MBD5: variants seen among roughly 807,000 people sequenced by gnomAD.
MBD5 encodes methyl-CpG-binding domain protein 5.
A neutral mutation model predicts 117.3 loss-of-function variants in MBD5; 13 were observed. The ratio of observed to expected loss-of-function variants is 0.11; its 90% confidence interval spans 0.07 to 0.18. The LOEUF is 0.18. Ranked by LOEUF, MBD5 falls within the 10% of genes least tolerant of loss-of-function variation. The pLI, the probability that MBD5 is intolerant of heterozygous loss-of-function variation, is 1.00. For synonymous variants in MBD5, 727 were observed against 766.4 expected (o/e 0.95, Z 0.85); for missense variants, 1,879 against 2,093.8 (o/e 0.90, Z 2.00).
rs190992179 is a variant in MBD5 at position 148,251,309 on chromosome 2, G to A, written c.-680+17914G>A. ...CCTTGTTACTTGATGTATTTGAATC[G>A]TTTATTTCACTGATTTTTTTCCAGT... On this transcript the variant is annotated intron_variant, in intron 3 of 13. Transcript: ENST00000642680. Among the ~76,000 whole-genome samples the A allele has an allele frequency of 5.3e-5, 8 of 152,146 alleles. No individual in the cohort carries two copies. The East Asian group carries it at 1.2e-3, about 22-fold the overall frequency.
At chr2:148,311,075 C>T (rs1394556038) in intron 3 of MBD5, among the ~76,000 whole-genome samples, 2 of 152,076 alleles carry the variant, frequency 1.3e-5, no homozygotes, top group East Asian at 3.8e-4. Flanking sequence ...ATTATGTGGT[C>T]AATTCTAGAA....
chr2:148,467,606 T>C (rs1450363753), intron 7 of MBD5, among the ~76,000 whole-genome samples: 2 of 152,172 alleles, frequency 1.3e-5, no homozygotes, highest in Non-Finnish European at 2.9e-5. Context: ...TTTACAATAA[T>C]GACTAATTAA....
intron 1 of MBD5, among the ~76,000 whole-genome samples, chr2:148,102,690 G>C (rs1696251159): frequency 6.8e-6 from 1 of 146,862 alleles, no homozygotes; most frequent in African/African-American, 2.6e-5. Flanking sequence ...CACACAGAGA[G>C]AGAGAGAGAT....
intron 3 of MBD5, among the ~76,000 whole-genome samples, chr2:148,234,431 G>C (rs1464641606): frequency 6.6e-6 from 1 of 152,032 alleles, no homozygotes; most frequent in Admixed American, 6.6e-5. Flanking sequence ...TCAGTAACTA[G>C]AGTCAAAATT....
At chr2:148,477,870 GACATAT>G (rs1681021266) in intron 8 of MBD5, among the ~76,000 whole-genome samples, 1 of 152,026 alleles carries the variant, frequency 6.6e-6, no homozygotes, top group African/African-American at 2.4e-5. Context: ...TCAGTGTTTG[GACATAT>G]TAATTTAGAA....
chr2:148,328,423 G>C (rs1206827091), intron 3 of MBD5, among the ~76,000 whole-genome samples: 1 of 152,184 alleles, frequency 6.6e-6, no homozygotes, highest in South Asian at 2.1e-4. Context: ...GGCAATGGTG[G>C]GCGCCCCTCC....
intron 1 of MBD5, among the ~76,000 whole-genome samples, chr2:148,046,581 C>G (rs918421596): frequency 6.6e-6 from 1 of 152,158 alleles, no homozygotes; most frequent in South Asian, 2.1e-4. Flanking sequence ...TCTTCCACCC[C>G]TTCTTTACCT....
chr2:148,127,161 GT>G (rs1696920296), intron 1 of MBD5, among the ~76,000 whole-genome samples: 1 of 151,906 alleles, frequency 6.6e-6, no homozygotes, highest in Non-Finnish European at 1.5e-5. Context: ...TAGAGACGGT[GT>G]TTCACCGTGT....
At chr2:148,443,367 A>G (rs1706387469) in intron 4 of MBD5, among the ~76,000 whole-genome samples, 1 of 151,388 alleles carries the variant, frequency 6.6e-6, no homozygotes, top group Admixed American at 6.6e-5. Context: ...TGGAGCTACC[A>G]TATGATCCAG....
In MBD5 at chr2:148,145,079, A is replaced by G. The variant is rs186278011; in HGVS notation, c.-924-33621A>G. ...ACAATATTTATTATTCCTATTCATG[A>G]GCATGGAATGTTCTTCCATTTGTTT... On this transcript the variant is annotated intron_variant, in intron 1 of 13. Transcript: ENST00000642680. Among the ~76,000 whole-genome samples, 98 of 152,336 alleles carry G rather than the reference A, an allele frequency of 6.4e-4. 1 individual carries two copies. The East Asian group carries it at 6.7e-3, about 10-fold the overall frequency.
chr2:148,324,196 A>G (rs62182834), intron 3 of MBD5, among the ~76,000 whole-genome samples: 3,783 of 151,994 alleles, frequency 0.025, 60 homozygotes, highest in Non-Finnish European at 0.039. Context: ...TGTTCCATTG[A>G]TCTATATCTC....
chr2:148,093,444 G>A (rs972864052), intron 1 of MBD5, among the ~76,000 whole-genome samples: 2 of 152,156 alleles, frequency 1.3e-5, no homozygotes, highest in African/African-American at 2.4e-5. Context: ...TGTGAATAAT[G>A]TCTGATGAGG....
intron 4 of MBD5, among the ~76,000 whole-genome samples, chr2:148,350,275 C>G (rs1703219394): frequency 6.6e-6 from 1 of 152,014 alleles, no homozygotes; most frequent in Non-Finnish European, 1.5e-5. Context: ...TTCTTCTGCC[C>G]TCATGACTTC....
intron 13 of MBD5, among the ~76,000 whole-genome samples, chr2:148,512,410 C>T (rs1383792781): frequency 2.0e-5 from 3 of 152,112 alleles, no homozygotes; most frequent in Non-Finnish European, 4.4e-5. Flanking sequence ...TGTGACCCTT[C>T]CTAGTCATTG....
At chr2:148,511,224 G>T (rs549174647) in intron 13 of MBD5, among the ~76,000 whole-genome samples, 1 of 152,310 alleles carries the variant, frequency 6.6e-6, no homozygotes, top group Non-Finnish European at 1.5e-5. Context: ...GCCAGCATAG[G>T]TTTTATGAGC....
rs747940875 is a variant in MBD5, at chr2:148,490,087, A to C, written c.4455A>C (p.Arg1485Ser). Residue 1485 changes from arginine to serine, a missense_variant, in exon 11 of 14, where the codon AGA becomes AGC. Physicochemically the swap from Arg to Ser is moderately radical, Grantham distance 110. This residue lies in a region of MBD5 where 1,666 missense variants were observed against 1,792.2 expected (regional missense o/e 0.93). Transcript: ENST00000642680. ...GEQHPILLPP[R>S]NCPGDKILEE... ...AGCACCCAATACTGTTACCACCAAG[A>C]AACTGTCCAGGGGATAAAATTCTAG... The C allele has an allele frequency of 3.7e-6, 6 of 1,614,116 alleles. No individual in the cohort carries two copies. Among genetic ancestry groups the C allele is most frequent in the Non-Finnish European group, 5.1e-6 (6 of 1,180,022 alleles).
At chr2:148,220,862 T>C (rs1699670570) in intron 2 of MBD5, among the ~76,000 whole-genome samples, 1 of 152,128 alleles carries the variant, frequency 6.6e-6, no homozygotes. Flanking sequence ...TGCTATCAAA[T>C]ACTAGGACTT....
At chr2:148,393,403 A>T (rs1704619684) in intron 4 of MBD5, 1 of 152,208 alleles carries the variant, frequency 6.6e-6, no homozygotes, top group Admixed American at 6.5e-5. Flanking sequence ...TACCCAGACT[A>T]GTTAAAATAA....
At chr2:148,350,829 T>G (rs1234229708) in intron 4 of MBD5, among the ~76,000 whole-genome samples, 1 of 152,064 alleles carries the variant, frequency 6.6e-6, no homozygotes, top group East Asian at 1.9e-4. Context: ...AATTTCTTAC[T>G]GATTATCATA....
Sources: allele counts gnomAD v4.1 joint callset (sites outside exome capture counted in the v4.1 genomes callset), GRCh38; gene constraint gnomAD v4.1.1; regional missense constraint gnomAD v4.1.1; transcripts MANE v1.5; gene names NCBI Gene and HGNC (gene_info 2026-07-23, HGNC 2026-07-21).